The following EBF1 variants were observed in gnomAD, a reference collection of about 807,000 sequenced individuals.
The protein encoded by EBF1 is EBF transcription factor 1.
In EBF1, 10 loss-of-function variants were observed where a neutral mutation model predicts 68.4. The observed-to-expected ratio is 0.15, with a 90% CI of 0.09 to 0.25. EBF1 has a LOEUF of 0.25. Among genes scored for constraint, EBF1 ranks in the 10% least tolerant of loss-of-function variants. The pLI, the probability that EBF1 is intolerant of heterozygous loss-of-function variation, is 1.00. For missense variants in EBF1, 509 were observed against 794.4 expected, an observed-to-expected ratio of 0.64 and a Z score of 4.32; for synonymous variants, 298 against 299.8, an observed-to-expected ratio of 0.99 and a Z score of 0.06.
chr5:158,775,196 T>C (rs1774856815), intron 10 of EBF1, among the ~76,000 whole-genome samples: 1 of 152,082 alleles, frequency 6.6e-6, no homozygotes, highest in African/African-American at 2.4e-5. Context: ...TGTGATTTCT[T>C]AAACTGATGG....
intron 8 of EBF1, among the ~76,000 whole-genome samples, chr5:158,802,053 G>A (rs926114524): frequency 1.3e-5 from 2 of 152,100 alleles, no homozygotes; most frequent in African/African-American, 2.4e-5. Context: ...GTAGCCTTGG[G>A]AATAAGGGTT....
At chr5:159,014,644 C>T (rs1298504590) in intron 6 of EBF1, among the ~76,000 whole-genome samples, 1 of 152,180 alleles carries the variant, frequency 6.6e-6, no homozygotes, top group African/African-American at 2.4e-5. Flanking sequence ...TTATAACATC[C>T]TCAATGTTTA....
intron 6 of EBF1, among the ~76,000 whole-genome samples, chr5:158,911,149 G>A (rs775924326): frequency 5.9e-5 from 9 of 152,122 alleles, no homozygotes; most frequent in Admixed American, 2.0e-4. Context: ...TCAACGAGTC[G>A]CCTATCTGAA....
At chr5:159,049,411 G>C (rs550079137) in intron 6 of EBF1, among the ~76,000 whole-genome samples, 1 of 152,192 alleles carries the variant, frequency 6.6e-6, no homozygotes, top group South Asian at 2.1e-4. Context: ...TCTCAGAGAA[G>C]TAGGATGGTG....
intron 7 of EBF1, among the ~76,000 whole-genome samples, chr5:158,827,293 T>C (rs1173205049): frequency 6.6e-6 from 1 of 152,198 alleles, no homozygotes; most frequent in Admixed American, 6.5e-5. Context: ...TTCTTCTATG[T>C]CCACTGCTCA....
rs114095328 is a variant in EBF1 at position 158,984,083 on chromosome 5, G to A, written c.554+89313C>T. On this transcript the variant is annotated intron_variant, in intron 6 of 15. Transcript: ENST00000313708. ...GCCATGAATCTTCCAAATCATACCT[G>A]GAATCTCAAAAGAAAGAGTAAAACA... 3.1e-3 allele frequency among the ~76,000 whole-genome samples: 475 copies of A among 152,148 alleles called. 3 individuals carry two copies. The highest frequency in any genetic ancestry group is 0.011 in the African/African-American group (448 of 41,496).
At chr5:158,742,352 T>C (rs1198262980) in intron 10 of EBF1, among the ~76,000 whole-genome samples, 1 of 152,220 alleles carries the variant, frequency 6.6e-6, no homozygotes, top group African/African-American at 2.4e-5. Flanking sequence ...GGCTACATAA[T>C]TGACAGGATA....
chr5:158,833,506 C>A (rs1029450617), intron 7 of EBF1, among the ~76,000 whole-genome samples: 1 of 152,146 alleles, frequency 6.6e-6, no homozygotes, highest in Non-Finnish European at 1.5e-5. Context: ...CACAGCTAGA[C>A]CATGCAAGCC....
At chr5:158,980,302 A>G (rs1757648475) in intron 6 of EBF1, among the ~76,000 whole-genome samples, 1 of 152,322 alleles carries the variant, frequency 6.6e-6, no homozygotes, top group African/African-American at 2.4e-5. Context: ...TTTGTTGGGA[A>G]TGCTAGCAGC....
At chr5:159,050,126 G>C (rs1490122930) in intron 6 of EBF1, among the ~76,000 whole-genome samples, 1 of 151,696 alleles carries the variant, frequency 6.6e-6, no homozygotes, top group Non-Finnish European at 1.5e-5. Context: ...AGCGGGGAGA[G>C]AAGTAAACAA....
At chr5:158,853,148 T>C (rs1199143492) in intron 6 of EBF1, among the ~76,000 whole-genome samples, 1 of 152,232 alleles carries the variant, frequency 6.6e-6, no homozygotes, top group Non-Finnish European at 1.5e-5. Flanking sequence ...ATCCTTTTTA[T>C]TCTGTTTTGA....
chr5:158,915,597 A>G (rs185519241), intron 6 of EBF1, among the ~76,000 whole-genome samples: 21 of 152,300 alleles, frequency 1.4e-4, no homozygotes, highest in Non-Finnish European at 2.4e-4. Context: ...CCGTGGAGAC[A>G]CACAAGCAAC....
chr5:158,717,497 C>G (rs781668671), intron 11 of EBF1, among the ~76,000 whole-genome samples: 2 of 152,106 alleles, frequency 1.3e-5, no homozygotes, highest in Non-Finnish European at 2.9e-5. Context: ...GTACTAATAT[C>G]TAATGTTTCA....
At chr5:158,928,077 C>A (rs1004823364) in intron 6 of EBF1, among the ~76,000 whole-genome samples, 8 of 152,184 alleles carry the variant, frequency 5.3e-5, no homozygotes, top group African/African-American at 1.9e-4. Context: ...CCTCTGAGGA[C>A]AACTTGGAGA....
intron 10 of EBF1, among the ~76,000 whole-genome samples, chr5:158,738,607 A>G (rs1032134326): frequency 2.0e-5 from 3 of 152,186 alleles, no homozygotes; most frequent in Non-Finnish European, 4.4e-5. Flanking sequence ...CTTTCTAGAA[A>G]TTATCTCCTT....
rs542526706 is a variant in EBF1 at position 158,822,823 on chromosome 5, G to T, written c.778+353C>A. ...AATTTTAGTGATACCAAATTGTGTG[G>T]CCTTTCCTTATTTTTCCCTTGGATT... On this transcript the variant is annotated intron_variant, in intron 8 of 15. Coordinates refer to ENST00000313708, the MANE Select transcript of EBF1 (RefSeq NM_024007.5). 2.6e-5 allele frequency among the ~76,000 whole-genome samples: 4 copies of T among 152,250 alleles called. No homozygotes were observed. The East Asian group carries it at 7.7e-4, about 29-fold the overall frequency.
intron 11 of EBF1, among the ~76,000 whole-genome samples, chr5:158,714,731 T>G (rs1760252966): frequency 6.6e-6 from 1 of 152,196 alleles, no homozygotes; most frequent in African/African-American, 2.4e-5. Context: ...ATGCACTGTT[T>G]GTCAAAAACT....
At chr5:158,741,471 A>C (rs916846833) in intron 10 of EBF1, among the ~76,000 whole-genome samples, 1 of 151,416 alleles carries the variant, frequency 6.6e-6, no homozygotes, top group Non-Finnish European at 1.5e-5. Context: ...GCTACTCGGG[A>C]GGCTGAAGTG....
At chr5:159,076,548 A>G (rs1778815020) in intron 5 of EBF1, among the ~76,000 whole-genome samples, 1 of 152,200 alleles carries the variant, frequency 6.6e-6, no homozygotes, top group Admixed American at 6.5e-5. Flanking sequence ...GAAGTGTAGA[A>G]GGAAATATAG....
Sources: gnomAD v4.1 joint callset for allele counts (sites outside exome capture counted in the v4.1 genomes callset) on GRCh38, gnomAD v4.1.1 for gene constraint, MANE v1.5 for transcripts, NCBI Gene and HGNC (gene_info 2026-07-23, HGNC 2026-07-21) for gene names.